Variants in SEC22C observed in about 807,000 individuals in gnomAD.
SEC22C encodes SEC22 homolog C, vesicle trafficking protein, also known as vesicle-trafficking protein SEC22c.
In SEC22C, 29 loss-of-function variants were observed where a neutral mutation model predicts 34.7. The observed-to-expected ratio is 0.84, with a 90% CI of 0.62 to 1.14. The LOEUF is 1.14. Among genes scored for constraint, SEC22C ranks in the 50% most tolerant of loss-of-function variants. The pLI, the probability that SEC22C is intolerant of heterozygous loss-of-function variation, is 0.00. For missense variants in SEC22C, 337 were observed against 369.0 expected, an observed-to-expected ratio of 0.91 and a Z score of 0.71; for synonymous variants, 117 against 132.8, an observed-to-expected ratio of 0.88 and a Z score of 0.82.
chr3:42,592,807 A>G (rs1481671999), intron 1 of SEC22C, among the ~76,000 whole-genome samples: 1 of 152,094 alleles, frequency 6.6e-6, no homozygotes, highest in African/African-American at 2.4e-5. Flanking sequence ...GGGTTTTTCA[A>G]TTGCACAGGC....
At position 42,569,041 on chromosome 3, in the gene SEC22C, G is replaced by A. The variant is rs1249440375; in HGVS notation, c.6C>T (p.Ser2=). 9.9e-6 allele frequency: 16 copies of A among 1,613,494 alleles called. No individual in the cohort carries two copies. Among genetic ancestry groups the A allele is most frequent in the Middle Eastern group, 1.6e-4 (1 of 6,082 alleles). The change falls in exon 2 of 7, where the codon TCC becomes TCT. Residue 2 remains serine, a synonymous_variant. Coordinates refer to ENST00000264454, the MANE Select transcript of SEC22C (RefSeq NM_032970.4). M[S]VIFFACVVRV... ...GTACCACGCAGGCAAAAAAGATCAC[G>A]GACATGGTCCACAAGAGAAGTCATG... is the stretch of plus-strand genomic sequence containing the variant.
intron 2 of SEC22C, chr3:42,565,787 C>T (rs548267798): frequency 2.6e-5 from 11 of 430,056 alleles, no homozygotes; most frequent in Middle Eastern, 3.4e-4. Context: ...TGTGAGAGAA[C>T]GAATTCTGTT....
rs1702246353 is a variant in SEC22C, at chr3:42,551,353, C to T, written c.*1895G>A. 1 of 984,750 alleles carries T rather than the reference C, an allele frequency of 1.0e-6. No homozygotes were observed. The highest frequency in any genetic ancestry group is 1.2e-6 in the Non-Finnish European group (1 of 829,602). 61.0% of individuals were successfully genotyped at this position (984,750 alleles called of 1,614,324 possible). On this transcript the variant is annotated 3_prime_UTR_variant, in exon 7 of 7. Coordinates refer to ENST00000264454, the MANE Select transcript of SEC22C (RefSeq NM_032970.4). ...TGCCAATATAATTTTCATATTCAGACTTTTTAGAGACAGGGTTTCACTCTG... is the reference window on the plus strand; with the variant it reads ...TGCCAATATAATTTTCATATTCAGATTTTTTAGAGACAGGGTTTCACTCTG...
At position 42,550,838 on chromosome 3, in the gene SEC22C, AAC is replaced by A. The variant is rs1702217315; in HGVS notation, c.*2408_*2409del. ...AACCCAATGCCACATAGGAAAAGAA[AAC>A]AGTCCATTTTTAAGCCGTTCTTACC... On this transcript the variant is annotated 3_prime_UTR_variant, in exon 7 of 7. Coordinates refer to ENST00000264454, the MANE Select transcript of SEC22C (RefSeq NM_032970.4). 1 of 984,970 alleles carries A rather than the reference AAC, an allele frequency of 1.0e-6. No homozygotes were observed. The highest frequency in any genetic ancestry group is 1.2e-6 in the Non-Finnish European group (1 of 829,890). 61.0% of individuals were successfully genotyped at this position (984,970 alleles called of 1,614,324 possible).
chr3:42,559,961 A>G (rs1702772409), intron 4 of SEC22C, among the ~76,000 whole-genome samples: 1 of 151,758 alleles, frequency 6.6e-6, no homozygotes, highest in African/African-American at 2.4e-5. Flanking sequence ...GGTCTCAGAG[A>G]CAGCCAGACA....
At position 42,551,186 on chromosome 3, in the gene SEC22C, C is replaced by G; in HGVS notation, c.*2062G>C. 1 of 985,372 alleles carries G rather than the reference C, an allele frequency of 1.0e-6. No homozygotes were observed. Among genetic ancestry groups the G allele is most frequent in the Non-Finnish European group, 1.2e-6 (1 of 829,926 alleles). 61.0% of individuals were successfully genotyped at this position (985,372 alleles called of 1,614,324 possible). ...TCTCATTTAAAACATTTTACCTCCC[C>G]TCCTTAACTTCCCATTCTATTTCAC... On this transcript the variant is annotated 3_prime_UTR_variant, in exon 7 of 7. Transcript: ENST00000264454.
In SEC22C at chr3:42,549,603, A is replaced by C; in HGVS notation, c.*3645T>G. On this transcript the variant is annotated 3_prime_UTR_variant, in exon 7 of 7. Coordinates refer to ENST00000264454, the MANE Select transcript of SEC22C (RefSeq NM_032970.4). ...GACTTGACTCCCAGGCATGGGTGGG[A>C]GAGTTGAACCTCAATGCAATCTGCT... 56 of 985,312 alleles carry C rather than the reference A, an allele frequency of 5.7e-5. No individual in the cohort carries two copies. The highest frequency in any genetic ancestry group is 6.5e-5 in the Non-Finnish European group (54 of 829,958). 61.0% of individuals were successfully genotyped at this position (985,312 alleles called of 1,614,324 possible). A position where few individuals can be genotyped will look rare whatever the true frequency, so the allele number is the denominator to read the frequency against.
intron 1 of SEC22C, among the ~76,000 whole-genome samples, chr3:42,587,735 CAA>C (rs34964951): frequency 6.6e-5 from 9 of 135,968 alleles, no homozygotes; most frequent in South Asian, 2.3e-4. Flanking sequence ...GACTCCGTCT[CAA>C]AAAAAAAAAA....
chr3:42,564,214 G>T, intron 2 of SEC22C: 1 of 231,072 alleles, frequency 4.3e-6, no homozygotes, highest in East Asian at 1.2e-4. Context: ...TGGTATTTAG[G>T]TTATTTTGGT....
In SEC22C at chr3:42,548,787, CA is replaced by C. The variant is rs760053218; in HGVS notation, c.*4460del. 1.5e-5 allele frequency: 23 copies of C among 1,506,616 alleles called. No homozygotes were observed. The highest frequency in any genetic ancestry group is 1.9e-5 in the Non-Finnish European group (21 of 1,123,140). 93.3% of individuals were successfully genotyped at this position (1,506,616 alleles called of 1,614,324 possible). On this transcript the variant is annotated 3_prime_UTR_variant, in exon 7 of 7. Coordinates refer to ENST00000264454, the MANE Select transcript of SEC22C (RefSeq NM_032970.4). ...AAATGAGGTTTACACTGTAGTATAA[CA>C]AAATGCCTTTTTGTAAAGGCCAGAA...
intron 1 of SEC22C, among the ~76,000 whole-genome samples, chr3:42,575,539 A>T (rs1383675845): frequency 6.6e-6 from 1 of 152,232 alleles, no homozygotes; most frequent in East Asian, 1.9e-4. Flanking sequence ...AGGATATTAC[A>T]TAATGATAAA....
rs1704802109 is a variant in SEC22C, at chr3:42,590,917, C to T, written c.-28+10043G>A. 1.2e-5 allele frequency: 17 copies of T among 1,394,598 alleles called. No homozygotes were observed. The highest frequency in any genetic ancestry group is 1.6e-5 in the Non-Finnish European group (17 of 1,047,470). 86.4% of individuals were successfully genotyped at this position (1,394,598 alleles called of 1,614,324 possible). A position where few individuals can be genotyped will look rare whatever the true frequency, so the allele number is the denominator to read the frequency against. On this transcript the variant is annotated intron_variant, in intron 1 of 6. Transcript: ENST00000417572. Reference sequence around the variant, plus strand: ...CTCGGGATGTCGGTGGCCTTCGTACCGGACTGGCTGAGGGGCAAGGCGGAA... The same window carrying T: ...CTCGGGATGTCGGTGGCCTTCGTACTGGACTGGCTGAGGGGCAAGGCGGAA...
chr3:42,595,289 C>G (rs1559538072), intron 1 of SEC22C, among the ~76,000 whole-genome samples: 1 of 152,016 alleles, frequency 6.6e-6, no homozygotes, highest in African/African-American at 2.4e-5. Context: ...TTAATAGTTC[C>G]TTTTTTTCTT....
chr3:42,571,957 CGGGA>C, intron 1 of SEC22C, among the ~76,000 whole-genome samples: 1 of 152,168 alleles, frequency 6.6e-6, no homozygotes, highest in African/African-American at 2.4e-5. Context: ...CGCTTGAATC[CGGGA>C]GGGAGAGGTT....
chr3:42,591,201 C>CATTT, intron 1 of SEC22C: 3 of 487,888 alleles, frequency 6.1e-6, no homozygotes, highest in East Asian at 3.6e-5. Flanking sequence ...CCTTTCTCTC[C>CATTT]TTTTTTTTTT....
chr3:42,563,799 T>G, intron 2 of SEC22C, 113 bp from the exon 3 acceptor site: 2 of 1,554,636 alleles, frequency 1.3e-6, no homozygotes, highest in Non-Finnish European at 1.7e-6. Flanking sequence ...TAAACAGTCC[T>G]GTAGCTGTTT....
chr3:42,576,424 G>A (rs945805701), intron 1 of SEC22C, among the ~76,000 whole-genome samples: 4 of 152,008 alleles, frequency 2.6e-5, no homozygotes, highest in Admixed American at 6.5e-5. Flanking sequence ...TTTGGACAGA[G>A]TGATACTTCA....
At chr3:42,571,601 G>T (rs920974405) in intron 1 of SEC22C, among the ~76,000 whole-genome samples, 1 of 152,122 alleles carries the variant, frequency 6.6e-6, no homozygotes, top group Non-Finnish European at 1.5e-5. Flanking sequence ...TATTCTAAAA[G>T]ATGGAAAAAT....
At chr3:42,565,221 T>A (rs564877049) in intron 2 of SEC22C, among the ~76,000 whole-genome samples, 1 of 152,228 alleles carries the variant, frequency 6.6e-6, no homozygotes. Context: ...CTTTCAAGAT[T>A]AACTACACAT....
Sources: allele counts gnomAD v4.1 joint callset (sites outside exome capture counted in the v4.1 genomes callset), GRCh38; gene constraint gnomAD v4.1.1; transcripts MANE v1.5; gene names NCBI Gene and HGNC (gene_info 2026-07-23, HGNC 2026-07-21).